The following ANKAR variants were observed in gnomAD, a reference collection of about 807,000 sequenced individuals.
ANKAR encodes ankyrin and armadillo repeat-containing protein.
Under a neutral mutation model 146.2 loss-of-function variants are expected in ANKAR, and 136 were observed. The observed-to-expected ratio is 0.93, with a 90% CI of 0.81 to 1.07. ANKAR has a LOEUF of 1.07. Among genes scored for constraint, ANKAR ranks in the 50% least tolerant of loss-of-function variants. The pLI is 0.00. For synonymous variants in ANKAR, 500 were observed against 575.8 expected, an observed-to-expected ratio of 0.87 and a Z score of 1.88; for missense variants, 1,567 against 1,679.9, an observed-to-expected ratio of 0.93 and a Z score of 1.18.
chr2:189,695,100 A>G lies in ANKAR; in HGVS notation c.1427A>G (p.Asp476Gly). 6.2e-7 allele frequency: 1 copy of G among 1,612,490 alleles called. No individual in the cohort carries two copies. The highest frequency in any genetic ancestry group is 8.5e-7 in the Non-Finnish European group (1 of 1,179,428). Residue 476 changes from aspartate to glycine, a missense_variant, in exon 6 of 23, where the codon GAT becomes GGT. Transcript: ENST00000684021. The stretch of plus-strand genomic sequence containing the variant: ...AGACTGAAAAGACTTCCACTGACAG[A>G]TGCTCAATTACATGAACAATTTAAG... The part of the protein sequence containing the change: ...NLRLKRLPLT[D>G]AQLHEQFKKK...
At chr2:189,752,858 A>C (rs2045492013) in intron 18 of ANKAR, 1 of 1,613,780 alleles carries the variant, frequency 6.2e-7, no homozygotes, top group Admixed American at 1.7e-5. Context: ...CCATGCAATC[A>C]TAATGCCATT....
intron 17 of ANKAR, among the ~76,000 whole-genome samples, chr2:189,735,317 A>G (rs2042750045): frequency 6.6e-6 from 1 of 152,182 alleles, no homozygotes; most frequent in Non-Finnish European, 1.5e-5. Flanking sequence ...GAGAACTAGA[A>G]GGTTTAACCA....
rs2041006291 is a variant in ANKAR at position 189,719,671 on chromosome 2, C to A, written c.2324C>A (p.Ala775Glu). 7 of 1,614,052 alleles carry A rather than the reference C, an allele frequency of 4.3e-6. No individual in the cohort carries two copies. The highest frequency in any genetic ancestry group is 5.9e-6 in the Non-Finnish European group (7 of 1,179,984). Residue 775 changes from alanine (A) to glutamate (E), a missense_variant, in exon 11 of 23, where the codon GCA becomes GAA. Coordinates refer to ENST00000684021, the MANE Select transcript of ANKAR (RefSeq NM_001378068.1). The part of the protein sequence containing the change: ...LLSNISTHKS[A>E]VHALVEAGGI... The stretch of plus-strand genomic sequence containing the variant: ...AGTAATATCTCAACCCACAAAAGTG[C>A]AGTGCATGCTTTGGTAGAAGCGGGA...
At position 189,743,387 on chromosome 2, in the gene ANKAR, A is replaced by G; in HGVS notation, c.3923A>G (p.Asn1308Ser). The stretch of plus-strand genomic sequence containing the variant: ...CCTAATCAGTTCATTCGTATAAAAA[A>G]TAATATCAGCAGAGATGCAAGTATT... ...NKPNQFIRIK[N>S]NISRDASINP... is the part of the protein sequence containing the mutation. The change falls in exon 21 of 23, where the codon AAT becomes AGT. Residue 1308 changes from asparagine to serine, a missense_variant. By Grantham distance (46) the Asn-to-Ser change is conservative. Coordinates refer to ENST00000684021, the MANE Select transcript of ANKAR (RefSeq NM_001378068.1). The G allele has an allele frequency of 6.2e-7, 1 of 1,614,026 alleles. No homozygotes were observed. The highest frequency in any genetic ancestry group is 2.2e-5 in the East Asian group (1 of 44,856).
At chr2:189,718,132 C>T (rs568381508) in intron 10 of ANKAR, among the ~76,000 whole-genome samples, 1 of 152,166 alleles carries the variant, frequency 6.6e-6, no homozygotes, top group African/African-American at 2.4e-5. Context: ...TTGAGAATAG[C>T]ACTGTCCAGA....
At chr2:189,686,225 A>G (rs1158491077) in intron 2 of ANKAR, among the ~76,000 whole-genome samples, 1 of 152,244 alleles carries the variant, frequency 6.6e-6, no homozygotes, top group Non-Finnish European at 1.5e-5. Context: ...TTGAGAAAGA[A>G]AAAAGAAAAA....
intron 19 of ANKAR, among the ~76,000 whole-genome samples, chr2:189,740,748 C>A (rs558636751): frequency 6.6e-6 from 1 of 151,738 alleles, no homozygotes; most frequent in East Asian, 1.9e-4. Flanking sequence ...GGCTGTAGTG[C>A]AATGGCACGA....
At chr2:189,719,243 A>G (rs2040956732) in intron 10 of ANKAR, among the ~76,000 whole-genome samples, 2 of 152,210 alleles carry the variant, frequency 1.3e-5, no homozygotes, top group South Asian at 4.1e-4. Context: ...GACCTGTACC[A>G]TATGGTAGCA....
At chr2:189,713,124 A>G (rs527364128) in intron 10 of ANKAR, among the ~76,000 whole-genome samples, 3 of 152,232 alleles carry the variant, frequency 2.0e-5, no homozygotes, top group African/African-American at 7.2e-5. Flanking sequence ...CTATATGAAA[A>G]GACCAAATCT....
intron 4 of ANKAR, 154 bp downstream of exon 4, chr2:189,692,572 C>G: frequency 3.1e-6 from 2 of 640,160 alleles, no homozygotes; most frequent in Non-Finnish European, 5.1e-6. Context: ...ATTTTAACAT[C>G]AATGAATTAA....
At chr2:189,743,152 T>C in intron 20 of ANKAR, 123 bp from the exon 21 acceptor site, 1 of 853,234 alleles carries the variant, frequency 1.2e-6, no homozygotes, top group Non-Finnish European at 1.8e-6. Context: ...TTTGTTTGCA[T>C]ACATATTTGC....
chr2:189,706,902 T>A (rs1359546619), intron 8 of ANKAR, 36 bp from the exon 9 acceptor site: 1 of 1,537,376 alleles, frequency 6.5e-7, no homozygotes, highest in African/African-American at 1.4e-5. Context: ...TTTGACACTC[T>A]ATGCGTGTTT....
At chr2:189,717,697 T>A (rs557060937) in intron 10 of ANKAR, among the ~76,000 whole-genome samples, 1 of 152,264 alleles carries the variant, frequency 6.6e-6, no homozygotes, top group East Asian at 1.9e-4. Flanking sequence ...CAAATGTCCA[T>A]CAATGATAGA....
rs573615138 is a variant in ANKAR at position 189,751,704 on chromosome 2, C to G, written c.*584+6916C>G. ...AGATGATCTGCCCACCTCAGCCTCC[C>G]AAAGTGCTGGGATTACAGGCATGAG... On this transcript the variant is annotated intron_variant and NMD_transcript_variant, in intron 18 of 18. Transcript: ENST00000441800. Among the ~76,000 whole-genome samples, 88 of 151,784 alleles carry G rather than the reference C, an allele frequency of 5.8e-4. 1 individual carries two copies. Among genetic ancestry groups the G allele is most frequent in the African/African-American group, 2.1e-3 (88 of 41,416 alleles).
rs767169517 is a variant in ANKAR, at chr2:189,696,303, A to AT, written c.1644dup (p.Ile549TyrfsTer8). On this transcript the variant is annotated frameshift_variant, in exon 7 of 23. Coordinates refer to ENST00000684021, the MANE Select transcript of ANKAR (RefSeq NM_001378068.1). LOFTEE classifies it high-confidence loss of function. Reference sequence around the variant, plus strand: ...TGCTGCCCTGCACAACAGAGTTTCTATTATATGTCAACTGTGCAATGCTAA... The same window carrying AT: ...TGCTGCCCTGCACAACAGAGTTTCTATTTATATGTCAACTGTGCAATGCTAA... 6.2e-7 allele frequency: 1 copy of AT among 1,614,080 alleles called. No homozygotes were observed. Among genetic ancestry groups the AT allele is most frequent in the Non-Finnish European group, 8.5e-7 (1 of 1,180,010 alleles).
At chr2:189,722,435 T>G (rs2041385927) in intron 12 of ANKAR, among the ~76,000 whole-genome samples, 2 of 152,166 alleles carry the variant, frequency 1.3e-5, no homozygotes, top group South Asian at 2.1e-4. Context: ...ATTCTTTATC[T>G]CTTTTTTTGT....
intron 9 of ANKAR, among the ~76,000 whole-genome samples, chr2:189,710,105 C>A (rs1049548439): frequency 1.3e-5 from 2 of 152,118 alleles, no homozygotes; most frequent in African/African-American, 4.8e-5. Flanking sequence ...AGGATTAGTT[C>A]TTGGAGTAGA....
At chr2:189,755,599 T>G (rs752251874) in intron 18 of ANKAR, 3 of 1,562,806 alleles carry the variant, frequency 1.9e-6, no homozygotes, top group Non-Finnish European at 2.6e-6. Context: ...GTTTTAAGAT[T>G]GTAAAAATGA....
At chr2:189,742,277 G>C (rs1047894331) in intron 20 of ANKAR, among the ~76,000 whole-genome samples, 1 of 152,140 alleles carries the variant, frequency 6.6e-6, no homozygotes, top group Non-Finnish European at 1.5e-5. Flanking sequence ...CAGGGTTCAA[G>C]GTTTAGAAGA....
Sources: gnomAD v4.1 joint callset for allele counts (sites outside exome capture counted in the v4.1 genomes callset) on GRCh38, gnomAD v4.1.1 for gene constraint, MANE v1.5 for transcripts, NCBI Gene and HGNC (gene_info 2026-07-23, HGNC 2026-07-21) for gene names.